IRS4: variants seen among roughly 807,000 people sequenced by gnomAD.
IRS4 encodes insulin receptor substrate 4, also known as 160 kDa phosphotyrosine protein.
IRS4 carries 15 observed loss-of-function variants against 48.6 expected under a neutral mutation model. The observed-to-expected ratio is 0.31, with a 90% CI of 0.21 to 0.48. IRS4 has a LOEUF of 0.48. IRS4 is among the 20% of genes least tolerant of loss of function. IRS4 has a pLI of 0.99. For synonymous variants in IRS4, 459 were observed against 413.2 expected (o/e 1.11, Z -1.34); for missense variants, 987 against 1,023.4 (o/e 0.96, Z 0.49).
At chrX:108,729,638 T>C (rs1293172473) in intron 1 of IRS4, among the ~76,000 whole-genome samples, 1 of 112,090 alleles carries the variant, frequency 8.9e-6, no homozygotes. Context: ...ATGTCTAAGG[T>C]TATACTTCTG....
chrX:108,725,546 GTTAGC>G (rs1300790499), intron 1 of IRS4, among the ~76,000 whole-genome samples: 2 of 108,953 alleles, frequency 1.8e-5, no homozygotes, highest in Non-Finnish European at 3.8e-5. Context: ...AATTATATTA[GTTAGC>G]TTAGCATTGT....
Position 108,735,695 on chromosome X carries a change from G to C in IRS4, c.650C>G (p.Pro217Arg). Residue 217 changes from proline to arginine, a missense_variant, in exon 1 of 2, where the codon CCG (proline) becomes CGG (arginine). Physicochemically the swap from Pro to Arg is moderately radical, Grantham distance 103 (BLOSUM62 -2). Transcript: ENST00000372129. ...GTLGAQPDGE[P>R]AALAAAAAAE... The stretch of plus-strand genomic sequence containing the variant: ...CGCCGCTGCCGCCGCCAGCGCGGCC[G>C]GCTCTCCGTCCGGCTGCGCGCCGAG... 1.7e-6 allele frequency: 2 copies of C among 1,182,712 alleles called. No homozygotes were observed. Among genetic ancestry groups the C allele is most frequent in the Admixed American group, 4.6e-5 (2 of 43,761 alleles).
chrX:108,728,135 G>T (rs899665029), intron 1 of IRS4, among the ~76,000 whole-genome samples: 3 of 111,951 alleles, frequency 2.7e-5, no homozygotes, highest in African/African-American at 9.7e-5. Flanking sequence ...ATGTTTCTGT[G>T]GGATCTAAAT....
Position 108,733,623 on chromosome X carries a change from G to A in IRS4, c.2722C>T (p.Pro908Ser). 1 of 1,211,917 alleles carries A rather than the reference G, an allele frequency of 8.3e-7. No individual in the cohort carries two copies. Among genetic ancestry groups the A allele is most frequent in the Non-Finnish European group, 1.1e-6 (1 of 895,561 alleles). The stretch of plus-strand genomic sequence containing the variant: ...TCAGCTTCTCTCTGCTCATGTGTGG[G>A]CTTTTGTGGTTTTGGCTTGATTTTA... ...GYKIKPKPQK[P>S]THEQREADSS... Residue 908 changes from proline (P) to serine (S), a missense_variant, in exon 1 of 2, where the codon CCC (proline) becomes TCC (serine). Physicochemically the swap from Pro to Ser is moderately conservative, Grantham distance 74. Transcript: ENST00000372129.
Position 108,733,835 on chromosome X carries a change from A to G in IRS4, c.2510T>C (p.Leu837Pro). ...GACTTCTTTGTCTAGGCCCCTCCCC[A>G]GGAACTTTCCAGGTAACATTGGCAC... is the stretch of plus-strand genomic sequence containing the variant. ...EYVPMLPGKF[L>P]GRGLDKEVSY... Residue 837 changes from leucine (L) to proline (P), a missense_variant, in exon 1 of 2, where the codon CTG (leucine) becomes CCG (proline). This residue lies in a region of IRS4 where 720 missense variants were observed against 660.3 expected (regional missense o/e 1.09). Transcript: ENST00000372129. 1 of 1,211,544 alleles carries G rather than the reference A, an allele frequency of 8.3e-7. No individual in the cohort carries two copies. Among genetic ancestry groups the G allele is most frequent in the Non-Finnish European group, 1.1e-6 (1 of 895,509 alleles).
intron 1 of IRS4, among the ~76,000 whole-genome samples, chrX:108,728,395 C>T (rs1161464645): frequency 8.9e-6 from 1 of 112,168 alleles, no homozygotes; most frequent in African/African-American, 3.2e-5. Flanking sequence ...TAATCATTAA[C>T]CATGTAATAA....
At chrX:108,732,515 T>C (rs2068907667) in intron 1 of IRS4, 64 bp downstream of exon 1, 4 of 1,207,389 alleles carry the variant, frequency 3.3e-6, no homozygotes, top group Non-Finnish European at 4.5e-6. Context: ...CTGTAGACTG[T>C]AGCGCATCGA....
Position 108,722,492 on chromosome X carries a change from C to T in IRS4, c.*27G>A, listed in dbSNP as rs1270474265. 9.3e-6 allele frequency: 3 copies of T among 323,338 alleles called. No homozygotes were observed. Among genetic ancestry groups the T allele is most frequent in the Non-Finnish European group, 1.8e-5 (3 of 166,902 alleles). The allele number at this position is 323,338 out of a possible 1,213,427, so 26.6% of individuals were successfully genotyped here. A position where few individuals can be genotyped will look rare whatever the true frequency, so the allele number is the denominator to read the frequency against. On this transcript the variant is annotated 3_prime_UTR_variant, in exon 2 of 2. Transcript: ENST00000372129. ...AAATTCCATAAGCATCACTTTTCTT[C>T]TAAAATGTGTTTTTGTGGCAATATA...
intron 1 of IRS4, chrX:108,724,839 C>G (rs888182040): frequency 9.0e-6 from 1 of 111,018 alleles, no homozygotes; most frequent in Non-Finnish European, 1.9e-5. Context: ...TCTTATTTTC[C>G]CAATTAATCA....
chrX:108,720,662 G>T lies in IRS4; in HGVS notation c.*1857C>A, dbSNP rs1033259002. ...TGAAAAAATAAAATGGTGACAGAAG[G>T]CTTGAAAAAAAGTTGCCTAAAGAGC... On this transcript the variant is annotated 3_prime_UTR_variant, in exon 2 of 2. Transcript: ENST00000372129. 2 of 111,775 alleles carry T rather than the reference G, an allele frequency of 1.8e-5. No individual in the cohort carries two copies. The highest frequency in any genetic ancestry group is 3.8e-5 in the Non-Finnish European group (2 of 53,132). 9.2% of individuals were successfully genotyped at this position (111,775 alleles called of 1,213,427 possible).
intron 1 of IRS4, 74 bp downstream of exon 1, chrX:108,732,505 C>T: frequency 8.3e-7 from 1 of 1,205,986 alleles, no homozygotes. Context: ...ATCCCTAACA[C>T]TGTAGACTGT....
chrX:108,736,334 C>CAACT lies in IRS4; in HGVS notation c.7_10dup (p.Cys4Ter). On this transcript the variant is annotated stop_gained and frameshift_variant, in exon 1 of 2. Transcript: ENST00000372129. LOFTEE classifies it high-confidence loss of function. ...TGTCGCTTGGTCGCGAGTGAAGGAG[C>CAACT]AACTCGCCATGGTGATGCACGATGG... 1 of 1,211,170 alleles carries CAACT rather than the reference C, an allele frequency of 8.3e-7. No homozygotes were observed. Among genetic ancestry groups the CAACT allele is most frequent in the Non-Finnish European group, 1.1e-6 (1 of 895,369 alleles).
rs772723947 is a variant in IRS4 at position 108,733,409 on chromosome X, A to G, written c.2936T>C (p.Leu979Ser). Reference sequence around the variant, plus strand: ...GGGGTTGGCACGTGGTATAGCTCTTAAAAGATCTGAGAGGTCGTTTGCTGG... The same window carrying G: ...GGGGTTGGCACGTGGTATAGCTCTTGAAAGATCTGAGAGGTCGTTTGCTGG... Reference protein sequence around the residue: ...PNPANDLSDLLRAIPRANPLS... With the variant: ...PNPANDLSDLSRAIPRANPLS... Residue 979 changes from leucine (L) to serine (S), a missense_variant, in exon 1 of 2, where the codon TTA becomes TCA. This residue lies in a region of IRS4 where 720 missense variants were observed against 660.3 expected (regional missense o/e 1.09). Transcript: ENST00000372129. The G allele has an allele frequency of 3.3e-6, 4 of 1,211,800 alleles. No homozygotes were observed. The highest frequency in any genetic ancestry group is 1.8e-5 in the South Asian group (1 of 56,992).
chrX:108,732,400 A>G, intron 1 of IRS4, 179 bp downstream of exon 1: 1 of 819,772 alleles, frequency 1.2e-6, no homozygotes, highest in Non-Finnish European at 1.7e-6. Flanking sequence ...TTGATTAGAT[A>G]AAAACAAATT....
At chrX:108,727,116 A>G (rs1770237704) in intron 1 of IRS4, among the ~76,000 whole-genome samples, 1 of 112,195 alleles carries the variant, frequency 8.9e-6, no homozygotes, top group Non-Finnish European at 1.9e-5. Flanking sequence ...ACAGAACACA[A>G]CCAATGCAAC....
rs1401111436 is a variant in IRS4 at position 108,721,182 on chromosome X, A to T, written c.*1337T>A. On this transcript the variant is annotated 3_prime_UTR_variant, in exon 2 of 2. Transcript: ENST00000372129. ...TGCTCACACACATACAAACACACCC[A>T]ACTGTGATATGATGAGGTTTGCCAA... The T allele has an allele frequency of 1.8e-5, 2 of 112,101 alleles. No homozygotes were observed. Among genetic ancestry groups the T allele is most frequent in the Admixed American group, 1.9e-4 (2 of 10,642 alleles). The allele number at this position is 112,101 out of a possible 1,213,427, so 9.2% of individuals were successfully genotyped here.
chrX:108,734,757 G>GA lies in IRS4; in HGVS notation c.1587_1588insT (p.Arg530SerfsTer18). The GA allele has an allele frequency of 8.3e-7, 1 of 1,210,515 alleles. No individual in the cohort carries two copies. Among genetic ancestry groups the GA allele is most frequent in the Non-Finnish European group, 1.1e-6 (1 of 895,202 alleles). On this transcript the variant is annotated frameshift_variant, in exon 1 of 2. Transcript: ENST00000372129. LOFTEE classifies it high-confidence loss of function. ...TGGCCATTTGAGCCCTGACCACCTC[G>GA]GGATCCCTGTCCCTCGCCTGAACAC...
At chrX:108,732,463 C>T in intron 1 of IRS4, 116 bp downstream of exon 1, 1 of 1,153,404 alleles carries the variant, frequency 8.7e-7, no homozygotes, top group Non-Finnish European at 1.2e-6. Flanking sequence ...ATTCTATACT[C>T]CATGTCGAAT....
chrX:108,728,239 C>G (rs2068883992), intron 1 of IRS4, among the ~76,000 whole-genome samples: 1 of 111,978 alleles, frequency 8.9e-6, no homozygotes, highest in Admixed American at 9.5e-5. Context: ...AAGTCAAATT[C>G]TTTTATTCTA....
Sources: gnomAD v4.1 joint callset for allele counts (sites outside exome capture counted in the v4.1 genomes callset) on GRCh38, gnomAD v4.1.1 for gene constraint, gnomAD v4.1.1 regional missense constraint, MANE v1.5 for transcripts, NCBI Gene and HGNC (gene_info 2026-07-23, HGNC 2026-07-21) for gene names.